RALYL: variants seen among roughly 807,000 people sequenced by gnomAD.
The protein encoded by RALYL is RNA-binding Raly-like protein.
Under a neutral mutation model 35.1 loss-of-function variants are expected in RALYL, and 29 were observed. The observed-to-expected ratio is 0.83, with a 90% CI of 0.61 to 1.13. The LOEUF (loss-of-function observed/expected upper bound fraction) is 1.13, where lower values mean the gene tolerates loss of function less well. RALYL is among the 50% of genes most tolerant of loss of function. The pLI is 0.00. For synonymous variants in RALYL, 120 were observed against 127.6 expected, an observed-to-expected ratio of 0.94 and a Z score of 0.40; for missense variants, 359 against 360.4, an observed-to-expected ratio of 1.00 and a Z score of 0.03.
intron 1 of RALYL, among the ~76,000 whole-genome samples, chr8:84,381,879 G>A (rs983889263): frequency 1.3e-5 from 2 of 151,152 alleles, no homozygotes; most frequent in Non-Finnish European, 3.0e-5. Context: ...ATTTTTCCTT[G>A]TTGTTCCTTT....
chr8:84,566,748 C>T (rs951053859), intron 2 of RALYL, among the ~76,000 whole-genome samples: 1 of 151,580 alleles, frequency 6.6e-6, no homozygotes, highest in African/African-American at 2.4e-5. Flanking sequence ...TTTTAAGAAA[C>T]TGAAATAAGA....
intron 1 of RALYL, among the ~76,000 whole-genome samples, chr8:84,270,947 C>T (rs1011279890): frequency 4.0e-5 from 6 of 151,756 alleles, no homozygotes; most frequent in Non-Finnish European, 8.8e-5. Flanking sequence ...ATCTAAAAGA[C>T]ATGAATTCAG....
rs1248840134 is a variant in RALYL at position 84,372,326 on chromosome 8, C to T, written c.-23-156973C>T. On this transcript the variant is annotated intron_variant, in intron 1 of 8. Transcript: ENST00000521268. ...CACGTGAGCGGCACACATTCACCTA[C>T]ATTCAGCCAATCAAAAGCGTTCTCC... Among the ~76,000 whole-genome samples the T allele has an allele frequency of 2.0e-5, 3 of 152,076 alleles. No individual in the cohort carries two copies. The East Asian group carries it at 5.8e-4, about 29-fold the overall frequency.
chr8:84,647,003 G>C (rs1355207242), intron 2 of RALYL, among the ~76,000 whole-genome samples: 1 of 151,982 alleles, frequency 6.6e-6, no homozygotes, highest in East Asian at 1.9e-4. Context: ...CACAGGCAAT[G>C]GAAATACTTC....
intron 1 of RALYL, among the ~76,000 whole-genome samples, chr8:84,468,787 G>C (rs1395666423): frequency 1.3e-5 from 2 of 152,042 alleles, no homozygotes; most frequent in East Asian, 3.9e-4. Flanking sequence ...ACACCAATCA[G>C]ACGTAGATTT....
At chr8:84,273,113 A>T (rs1478859111) in intron 1 of RALYL, among the ~76,000 whole-genome samples, 1 of 152,222 alleles carries the variant, frequency 6.6e-6, no homozygotes, top group Non-Finnish European at 1.5e-5. Flanking sequence ...TCTATTAGTT[A>T]TCTATTACTA....
intron 5 of RALYL, among the ~76,000 whole-genome samples, chr8:84,854,548 C>A (rs1016311198): frequency 6.6e-6 from 1 of 152,160 alleles, no homozygotes; most frequent in Admixed American, 6.5e-5. Context: ...AGCATTCCGG[C>A]TGCAGCTGAT....
intron 1 of RALYL, among the ~76,000 whole-genome samples, chr8:84,431,735 T>G (rs1239580808): frequency 6.6e-6 from 1 of 152,150 alleles, no homozygotes; most frequent in African/African-American, 2.4e-5. Context: ...GATTTCCTTT[T>G]TCTGTGGCTG....
chr8:84,896,976 GAAATGTACC>G (rs1454557440), intron 8 of RALYL, among the ~76,000 whole-genome samples: 1 of 152,082 alleles, frequency 6.6e-6, no homozygotes, highest in East Asian at 1.9e-4. Context: ...AATACTACAT[GAAATGTACC>G]AAAAAGTGTT....
chr8:84,349,561 A>G (rs1377221871), intron 1 of RALYL, among the ~76,000 whole-genome samples: 1 of 150,074 alleles, frequency 6.7e-6, no homozygotes, highest in Non-Finnish European at 1.5e-5. Context: ...TTGAGCTTCA[A>G]ATTCTGGAGT....
chr8:84,660,722 A>T (rs1830743217), intron 2 of RALYL, among the ~76,000 whole-genome samples: 8 of 151,982 alleles, frequency 5.3e-5, no homozygotes, highest in Admixed American at 4.6e-4. Flanking sequence ...TGATATTGTT[A>T]TCAAAAAGCA....
chr8:84,749,593 T>C (rs994634718), intron 2 of RALYL, among the ~76,000 whole-genome samples: 1 of 152,062 alleles, frequency 6.6e-6, no homozygotes, highest in Non-Finnish European at 1.5e-5. Context: ...ATAGCAAAAC[T>C]CAGTTGAATG....
At chr8:84,280,747 A>G (rs989633100) in intron 1 of RALYL, among the ~76,000 whole-genome samples, 2 of 150,210 alleles carry the variant, frequency 1.3e-5, no homozygotes, top group Non-Finnish European at 3.0e-5. Context: ...CATATATAAC[A>G]CATATATAAA....
chr8:84,725,014 T>A (rs2132701434), intron 2 of RALYL, among the ~76,000 whole-genome samples: 1 of 151,774 alleles, frequency 6.6e-6, no homozygotes, highest in South Asian at 2.1e-4. Context: ...CAACCTGCTG[T>A]TTATCATAGT....
At chr8:84,184,831 GC>G in intron 1 of RALYL, 3 of 737,910 alleles carry the variant, frequency 4.1e-6, no homozygotes, top group Admixed American at 2.1e-5. Flanking sequence ...CGTCGGGCGG[GC>G]TAGAGGGGAC....
intron 1 of RALYL, among the ~76,000 whole-genome samples, chr8:84,351,020 G>A (rs970252416): frequency 1.3e-5 from 2 of 149,884 alleles, no homozygotes; most frequent in East Asian, 1.9e-4. Context: ...TTCATAACAT[G>A]TTAATAGCAA....
At chr8:84,743,795 G>C (rs1048289994) in intron 2 of RALYL, among the ~76,000 whole-genome samples, 7 of 152,058 alleles carry the variant, frequency 4.6e-5, no homozygotes, top group African/African-American at 1.7e-4. Context: ...GCTGCTAATG[G>C]ATAAATTTTG....
intron 1 of RALYL, among the ~76,000 whole-genome samples, chr8:84,269,655 T>C (rs866227162): frequency 1.3e-4 from 20 of 152,134 alleles, no homozygotes; most frequent in African/African-American, 4.6e-4. Context: ...CAGTAATGTA[T>C]GTAATGTGTA....
At chr8:84,750,162 C>T (rs1809611167) in intron 2 of RALYL, among the ~76,000 whole-genome samples, 1 of 152,176 alleles carries the variant, frequency 6.6e-6, no homozygotes, top group South Asian at 2.1e-4. Context: ...GTCCTGCAAT[C>T]TGTAGTACAG....
Sources: gnomAD v4.1 joint callset for allele counts (sites outside exome capture counted in the v4.1 genomes callset) on GRCh38, gnomAD v4.1.1 for gene constraint, MANE v1.5 for transcripts, NCBI Gene and HGNC (gene_info 2026-07-23, HGNC 2026-07-21) for gene names.